Variants in COMT observed in about 807,000 individuals in gnomAD.
COMT encodes the protein catechol O-methyltransferase.
A neutral mutation model predicts 18.9 loss-of-function variants in COMT; 13 were observed. The observed-to-expected ratio is 0.69, with a 90% CI of 0.45 to 1.09. The LOEUF (loss-of-function observed/expected upper bound fraction) is 1.09. Among genes scored for constraint, COMT ranks in the 50% least tolerant of loss-of-function variants. COMT has a pLI of 0.00. For synonymous variants in COMT, 150 were observed against 160.9 expected (o/e 0.93, Z 0.51); for missense variants, 329 against 361.8 (o/e 0.91, Z 0.73).
intron 5 of COMT, chr22:19,966,871 G>C: frequency 2.2e-6 from 2 of 902,216 alleles, no homozygotes; most frequent in Non-Finnish European, 2.7e-6. Context: ...TCTAAGGAGG[G>C]TGGGCCAGAT....
intron 5 of COMT, among the ~76,000 whole-genome samples, chr22:19,967,869 T>C (rs1025460778): frequency 6.6e-6 from 1 of 152,254 alleles, no homozygotes; most frequent in African/African-American, 2.4e-5. Flanking sequence ...GCAAGCATCC[T>C]ATGAGGTTTC....
intron 1 of COMT, among the ~76,000 whole-genome samples, chr22:19,943,010 G>A (rs1339424193): frequency 1.3e-5 from 2 of 152,216 alleles, no homozygotes; most frequent in Non-Finnish European, 2.9e-5. Flanking sequence ...TGGCAGCCTT[G>A]AACTTCTCAG....
At position 19,964,307 on chromosome 22, in the gene COMT, C is replaced by T; in HGVS notation, c.615+8C>T. ...GACACGCTTCTCTTGGAGGTGAGCC[C>T]CAACCAGGATGGCATCCGTGCCAGC... On this transcript the variant is annotated splice_region_variant and intron_variant, in intron 5 of 5. Coordinates refer to ENST00000361682, the MANE Select transcript of COMT (RefSeq NM_000754.4). 1 of 1,613,840 alleles carries T rather than the reference C, an allele frequency of 6.2e-7. No individual in the cohort carries two copies. Among genetic ancestry groups the T allele is most frequent in the Non-Finnish European group, 8.5e-7 (1 of 1,180,042 alleles).
intron 2 of COMT, among the ~76,000 whole-genome samples, chr22:19,962,059 G>C (rs1413226059): frequency 6.6e-6 from 1 of 152,182 alleles, no homozygotes; most frequent in Non-Finnish European, 1.5e-5. Flanking sequence ...TGGGTGACCA[G>C]CACGGGCTCA....
At chr22:19,946,953 T>C (rs1230088383) in intron 1 of COMT, among the ~76,000 whole-genome samples, 3 of 149,290 alleles carry the variant, frequency 2.0e-5, no homozygotes, top group African/African-American at 7.4e-5. Flanking sequence ...TCCCACTGTG[T>C]TGCTCAGGCT....
intron 1 of COMT, among the ~76,000 whole-genome samples, chr22:19,954,659 G>A (rs901711612): frequency 6.6e-6 from 1 of 152,076 alleles, no homozygotes; most frequent in Non-Finnish European, 1.5e-5. Context: ...CACCATGTTG[G>A]TCAGGCTGTT....
rs746604009 is a variant in COMT at position 19,962,634 on chromosome 22, C to T, written c.108C>T (p.Ile36=). The T allele has an allele frequency of 2.5e-6, 4 of 1,603,230 alleles. No homozygotes were observed. Among genetic ancestry groups the T allele is most frequent in the East Asian group, 2.3e-5 (1 of 44,150 alleles). The part of the protein sequence containing the change: ...LRHWGWGLCL[I]GWNEFILQPI... ...ACTGGGGCTGGGGCCTGTGCCTTAT[C>T]GGCTGGAACGAGTTCATCCTGCAGC... Residue 36 remains isoleucine (I), a synonymous_variant, in exon 3 of 6, where the codon ATC becomes ATT. Transcript: ENST00000361682.
intron 1 of COMT, among the ~76,000 whole-genome samples, chr22:19,946,059 C>T (rs1941830808): frequency 6.6e-6 from 1 of 152,170 alleles, no homozygotes; most frequent in Non-Finnish European, 1.5e-5. Flanking sequence ...AATCATCCTT[C>T]AGCAGTTTAC....
At chr22:19,950,145 C>T (rs1260048364) in intron 1 of COMT, among the ~76,000 whole-genome samples, 2 of 151,270 alleles carry the variant, frequency 1.3e-5, no homozygotes, top group African/African-American at 4.9e-5. Flanking sequence ...TATTATCAAA[C>T]GCAATTAACA....
At chr22:19,962,212 C>G in intron 2 of COMT, 1 of 447,346 alleles carries the variant, frequency 2.2e-6, no homozygotes, top group Non-Finnish European at 4.1e-6. Context: ...GTGTCTGCTT[C>G]TGTATTTTGT....
chr22:19,964,121 T>C, intron 4 of COMT, 47 bp from the exon 5 acceptor site: 1 of 1,613,786 alleles, frequency 6.2e-7, no homozygotes, highest in Non-Finnish European at 8.5e-7. Context: ...TGTGTAGGGA[T>C]GGCCTCCTGT....
chr22:19,953,308 T>C (rs886244972), intron 1 of COMT, among the ~76,000 whole-genome samples: 2 of 152,140 alleles, frequency 1.3e-5, no homozygotes, highest in East Asian at 3.9e-4. Context: ...GTTGTTTTTT[T>C]GAGACAGAGT....
chr22:19,942,257 G>A (rs1941748301), intron 1 of COMT, among the ~76,000 whole-genome samples: 1 of 152,230 alleles, frequency 6.6e-6, no homozygotes, highest in African/African-American at 2.4e-5. Context: ...TTGACCTGGT[G>A]AGGGTGTGGT....
rs767059516 is a variant in COMT, at chr22:19,963,842, C to T, written c.483+83C>T. On this transcript the variant is annotated intron_variant, in intron 4 of 5. Transcript: ENST00000361682. ...GGCATGCGCACTTTGTCCTCCCCAC[C>T]AGGTGTTCACACCACGTTCACTGAA... 2.6e-5 allele frequency: 38 copies of T among 1,467,514 alleles called. No individual in the cohort carries two copies. The East Asian group carries it at 9.1e-4, about 35-fold the overall frequency. 90.9% of individuals were successfully genotyped at this position (1,467,514 alleles called of 1,614,324 possible).
chr22:19,964,515 G>C (rs368039030), intron 5 of COMT: 147 of 733,554 alleles, frequency 2.0e-4, no homozygotes, highest in African/African-American at 2.0e-3. Context: ...TGGCTGGGTG[G>C]CCTGTTGGGA....
Position 19,963,650 on chromosome 22 carries a change from G to A in COMT, c.374G>A (p.Arg125His), listed in dbSNP as rs759305975. 8 of 1,612,714 alleles carry A rather than the reference G, an allele frequency of 5.0e-6. No homozygotes were observed. The highest frequency in any genetic ancestry group is 1.3e-5 in the African/African-American group (1 of 74,914). Residue 125 changes from arginine (R) to histidine (H), a missense_variant, in exon 4 of 6, where the codon CGC (arginine) becomes CAC (histidine). Physicochemically the swap from Arg to His is conservative, Grantham distance 29 (BLOSUM62 0). Transcript: ENST00000361682. ...LGAYCGYSAV[R>H]MARLLSPGAR... Reference sequence around the variant, plus strand: ...GCCTACTGTGGCTACTCAGCTGTGCGCATGGCCCGCCTGCTGTCACCAGGG... The same window carrying A: ...GCCTACTGTGGCTACTCAGCTGTGCACATGGCCCGCCTGCTGTCACCAGGG...
At chr22:19,957,118 T>C (rs988119596) in intron 1 of COMT, among the ~76,000 whole-genome samples, 1 of 151,482 alleles carries the variant, frequency 6.6e-6, no homozygotes, top group Non-Finnish European at 1.5e-5. Context: ...ACCCGGCCAA[T>C]TTTTTGTATT....
chr22:19,962,709 C>T lies in COMT; in HGVS notation c.183C>T (p.Asn61=). The T allele has an allele frequency of 1.2e-6, 2 of 1,613,766 alleles. No homozygotes were observed. The highest frequency in any genetic ancestry group is 8.5e-7 in the Non-Finnish European group (1 of 1,180,010). Residue 61 remains asparagine (N), a synonymous_variant, in exon 3 of 6, where the codon AAC becomes AAT. Transcript: ENST00000361682. ...ACACCAAGGAGCAGCGCATCCTGAA[C>T]CACGTGCTGCAGCATGCGGAGCCCG... ...MGDTKEQRIL[N]HVLQHAEPGN...
At chr22:19,949,401 C>A (rs1366713259) in intron 1 of COMT, among the ~76,000 whole-genome samples, 4 of 152,104 alleles carry the variant, frequency 2.6e-5, no homozygotes, top group Non-Finnish European at 5.9e-5. Context: ...TATTTTTCCT[C>A]TTTTTGTAAT....
Sources: allele counts gnomAD v4.1 joint callset (sites outside exome capture counted in the v4.1 genomes callset), GRCh38; gene constraint gnomAD v4.1.1; transcripts MANE v1.5; gene names NCBI Gene and HGNC (gene_info 2026-07-23, HGNC 2026-07-21).